The following HNRNPU variants were observed in gnomAD, a reference collection of about 807,000 sequenced individuals.
HNRNPU encodes the protein HNRNPU antisense RNA 1.
In HNRNPU, 5 loss-of-function variants were observed where a neutral mutation model predicts 94.7. The ratio of observed to expected loss-of-function variants is 0.05; its 90% CI spans 0.03 to 0.11. HNRNPU has a LOEUF of 0.11. HNRNPU is among the 10% of genes least tolerant of loss of function. The pLI, the probability that HNRNPU is intolerant of heterozygous loss-of-function variation, is 1.00. For missense variants in HNRNPU, 710 were observed against 1,049.2 expected (o/e 0.68, Z 4.47); for synonymous variants, 434 against 381.6 (o/e 1.14, Z -1.60).
At chr1:244,859,037 T>C (rs1680755106) in intron 5 of HNRNPU, 196 bp from the exon 6 acceptor site, 1 of 580,130 alleles carries the variant, frequency 1.7e-6, no homozygotes, top group Non-Finnish European at 3.0e-6. Context: ...ACCAAATTAG[T>C]TGACGATTTG....
chr1:244,858,794 A>G lies in HNRNPU; in HGVS notation c.1165T>C (p.Cys389Arg), dbSNP rs756818672. 1.3e-6 allele frequency: 2 copies of G among 1,591,430 alleles called. No individual in the cohort carries two copies. Among genetic ancestry groups the G allele is most frequent in the Non-Finnish European group, 8.6e-7 (1 of 1,160,048 alleles). ...YGYSLKGIKTCNCETEDYGEK... is the reference protein window; with the variant it reads ...YGYSLKGIKTRNCETEDYGEK... ...CCATAATCTTCAGTCTCACAGTTGCATGTTTTTATTCCTTTTAGAGAATAC... is the reference window on the plus strand; with the variant it reads ...CCATAATCTTCAGTCTCACAGTTGCGTGTTTTTATTCCTTTTAGAGAATAC... Residue 389 changes from cysteine to arginine, a missense_variant, in exon 6 of 14, where the codon TGC (cysteine) becomes CGC (arginine). Physicochemically the swap from Cys to Arg is radical, Grantham distance 180. Around this residue, in one of 8 missense-constraint regions of HNRNPU, gnomAD observed 150 missense variants for 187.9 expected, o/e 0.80. Transcript: ENST00000640218.
Position 244,864,068 on chromosome 1 carries a change from G to A in HNRNPU, c.240C>T (p.Ala80=), listed in dbSNP as rs1374405303. The change falls in exon 1 of 14, where the codon GCC becomes GCT. Residue 80 remains alanine (A), a synonymous_variant. Coordinates refer to ENST00000640218, the MANE Select transcript of HNRNPU (RefSeq NM_031844.3). ...SGAGLEQEAA[A]GGDEEEEEEE... is the part of the protein sequence containing the mutation. ...CTTCCTCCTCCTCTTCATCGCCGCC[G>A]GCCGCGGCCTCCTGCTCGAGGCCTG... 6 of 1,602,620 alleles carry A rather than the reference G, an allele frequency of 3.7e-6. No individual in the cohort carries two copies. The highest frequency in any genetic ancestry group is 2.2e-5 in the South Asian group (2 of 89,964).
In HNRNPU at chr1:244,862,719, T is replaced by C; in HGVS notation, c.703A>G (p.Thr235Ala). ...PGAPAAGDGK[T>A]EQKGGDKKRG... ...TTTTTATCTCCGCCTTTCTGTTCTG[T>C]TTTGCCGTCCCCTAAAACACACACG... Residue 235 changes from threonine (T) to alanine (A), a missense_variant, in exon 2 of 14, where the codon ACA (threonine) becomes GCA (alanine). Around this residue, in one of 8 missense-constraint regions of HNRNPU, gnomAD observed 292 missense variants for 293.4 expected, o/e 1.00. Coordinates refer to ENST00000640218, the MANE Select transcript of HNRNPU (RefSeq NM_031844.3). 6.2e-7 allele frequency: 1 copy of C among 1,613,944 alleles called. No homozygotes were observed. The highest frequency in any genetic ancestry group is 8.5e-7 in the Non-Finnish European group (1 of 1,179,814).
In HNRNPU at chr1:244,853,566, AACT is replaced by A. The variant is rs969666901; in HGVS notation, c.*881_*883del. On this transcript the variant is annotated 3_prime_UTR_variant, in exon 14 of 14. Coordinates refer to ENST00000640218, the MANE Select transcript of HNRNPU (RefSeq NM_031844.3). ...ATTAGCTTACAAAGATGGTGGAGTT[AACT>A]ACTACAAGCACACTAGTTATACAGT... 5.9e-5 allele frequency: 9 copies of A among 152,538 alleles called. No individual in the cohort carries two copies. Among genetic ancestry groups the A allele is most frequent in the African/African-American group, 2.2e-4 (9 of 41,398 alleles). The allele number at this position is 152,538 out of a possible 1,614,324, so 9.4% of individuals were successfully genotyped here. A position where few individuals can be genotyped will look rare whatever the true frequency, so the allele number is the denominator to read the frequency against.
chr1:244,863,776 C>G lies in HNRNPU; in HGVS notation c.532G>C (p.Gly178Arg), dbSNP rs1436340983. The change falls in exon 1 of 14, where the codon GGG (glycine) becomes CGG (arginine). Residue 178 changes from glycine to arginine, a missense_variant. By Grantham distance (125) the Gly-to-Arg change is moderately radical. This residue lies in a region of HNRNPU where 292 missense variants were observed against 293.4 expected (regional missense o/e 1.00). Coordinates refer to ENST00000640218, the MANE Select transcript of HNRNPU (RefSeq NM_031844.3). ...TTCCCCGCGGCCTCCTTGGCGGCCC[C>G]GCGCTGCTGTTGGGGCTGTTGCTGC... The part of the protein sequence containing the change: ...TQQQQPQQQR[G>R]AAKEAAGKSS... 1.3e-6 allele frequency: 2 copies of G among 1,599,538 alleles called. No individual in the cohort carries two copies. The highest frequency in any genetic ancestry group is 1.7e-6 in the Non-Finnish European group (2 of 1,175,012).
rs748524869 is a variant in HNRNPU at position 244,856,438 on chromosome 1, CAG to C, written c.1912+17_1912+18del. On this transcript the variant is annotated intron_variant, in intron 10 of 13. Coordinates refer to ENST00000640218, the MANE Select transcript of HNRNPU (RefSeq NM_031844.3). ...TTAAAAAGAAGATTTCACACAGTAA[CAG>C]AATTAAAATTCCATGCCTTTCATTT... 4 of 1,597,946 alleles carry C rather than the reference CAG, an allele frequency of 2.5e-6. No individual in the cohort carries two copies. Among genetic ancestry groups the C allele is most frequent in the South Asian group, 1.1e-5 (1 of 88,064 alleles).
At chr1:244,856,982 A>G (rs1680698288) in intron 8 of HNRNPU, 126 bp from the exon 9 acceptor site, 2 of 781,374 alleles carry the variant, frequency 2.6e-6, no homozygotes, top group Admixed American at 2.8e-5. Context: ...ACCTTTGTCC[A>G]TTATTGCTAC....
chr1:244,860,247 G>A (rs570102165), intron 4 of HNRNPU, 88 bp downstream of exon 4: 1 of 1,166,338 alleles, frequency 8.6e-7, no homozygotes, highest in African/African-American at 1.5e-5. Context: ...GTTGCAGTGA[G>A]CCTAGGTCGC....
In HNRNPU at chr1:244,858,245, C is replaced by A. The variant is rs201637304; in HGVS notation, c.1260G>T (p.Ser420=). 6.8e-6 allele frequency: 11 copies of A among 1,613,998 alleles called. No homozygotes were observed. In the Admixed American group the frequency reaches 1.0e-4, roughly 15 times the overall value. Residue 420 remains serine, a synonymous_variant, in exon 7 of 14, where the codon TCG becomes TCT. Transcript: ENST00000640218. The part of the protein sequence containing the change: ...ANFESDEVEL[S]YAKNGQDLGV... ...CAAGATCTTGTCCATTCTTAGCATA[C>A]GAGAGTTCTACTTCATCACTTTCAA...
In HNRNPU at chr1:244,863,848, C is replaced by A; in HGVS notation, c.460G>T (p.Asp154Tyr). The part of the protein sequence containing the change: ...ELGDEEEGAG[D>Y]ENGHGEQQPQ... Reference sequence around the variant, plus strand: ...TGCTGCTCCCCGTGCCCGTTCTCGTCGCCCGCGCCTTCCTCTTCGTCCCCG... The same window carrying A: ...TGCTGCTCCCCGTGCCCGTTCTCGTAGCCCGCGCCTTCCTCTTCGTCCCCG... The change falls in exon 1 of 14, where the codon GAC becomes TAC. Residue 154 changes from aspartate to tyrosine, a missense_variant. Transcript: ENST00000640218. 1 of 1,613,202 alleles carries A rather than the reference C, an allele frequency of 6.2e-7. No homozygotes were observed. Among genetic ancestry groups the A allele is most frequent in the Non-Finnish European group, 8.5e-7 (1 of 1,179,828 alleles).
At chr1:244,855,739 A>G (rs1250490852) in intron 11 of HNRNPU, 131 bp from the exon 12 acceptor site, 1 of 1,269,314 alleles carries the variant, frequency 7.9e-7, no homozygotes, top group Non-Finnish European at 1.1e-6. Context: ...GTTTAATTCT[A>G]ACCATTAACA....
chr1:244,863,805 G>C lies in HNRNPU; in HGVS notation c.503C>G (p.Thr168Arg). 12 of 1,607,022 alleles carry C rather than the reference G, an allele frequency of 7.5e-6. No homozygotes were observed. Among genetic ancestry groups the C allele is most frequent in the South Asian group, 2.2e-5 (2 of 90,550 alleles). Residue 168 changes from threonine (T) to arginine (R), a missense_variant, in exon 1 of 14, where the codon ACG (threonine) becomes AGG (arginine). This residue lies in a region of HNRNPU where 292 missense variants were observed against 293.4 expected (regional missense o/e 1.00). Coordinates refer to ENST00000640218, the MANE Select transcript of HNRNPU (RefSeq NM_031844.3). ...CTGCTGTTGGGGCTGTTGCTGCTGC[G>C]TCGCCGGCGGTTGAGGCTGCTGCTC... ...HGEQQPQPPA[T>R]QQQQPQQQRG...
intron 4 of HNRNPU, 188 bp downstream of exon 4, chr1:244,860,147 A>C: frequency 2.1e-6 from 1 of 486,178 alleles, no homozygotes; most frequent in East Asian, 3.4e-5. Flanking sequence ...TAAAAATACA[A>C]AAATTAGCCA....
At chr1:244,863,105 CCCCCG>C (rs546237787) in intron 1 of HNRNPU, 3,003 of 192,760 alleles carry the variant, frequency 0.016, 57 homozygotes, top group Non-Finnish European at 0.02. Context: ...GATCTTCCGC[CCCCCG>C]CCCCGCCCCG....
Position 244,852,950 on chromosome 1 carries a change from T to C in HNRNPU, c.*1500A>G, listed in dbSNP as rs1307447293. On this transcript the variant is annotated 3_prime_UTR_variant, in exon 14 of 14. Transcript: ENST00000640218. The stretch of plus-strand genomic sequence containing the variant: ...ACCCAATATAATTACAATTAGGGGA[T>C]CTAATGTTATTACATAGCTACAGTC... 1 of 152,616 alleles carries C rather than the reference T, an allele frequency of 6.6e-6. No individual in the cohort carries two copies. The highest frequency in any genetic ancestry group is 1.5e-5 in the Non-Finnish European group (1 of 68,010). The allele number at this position is 152,616 out of a possible 1,614,324, so 9.5% of individuals were successfully genotyped here. A position where few individuals can be genotyped will look rare whatever the true frequency, so the allele number is the denominator to read the frequency against.
chr1:244,857,622 T>C lies in HNRNPU; in HGVS notation c.1590A>G (p.Thr530=), dbSNP rs1466576939. 10 of 1,613,628 alleles carry C rather than the reference T, an allele frequency of 6.2e-6. No individual in the cohort carries two copies. Among genetic ancestry groups the C allele is most frequent in the East Asian group, 2.2e-5 (1 of 44,900 alleles). Residue 530 remains threonine (T), a synonymous_variant, in exon 8 of 14, where the codon ACA becomes ACG. Coordinates refer to ENST00000640218, the MANE Select transcript of HNRNPU (RefSeq NM_031844.3). ...CCATCATCTTATCCATAATAGTATTTGTGCCAAGAATGTTATATTTCCCTG... is the reference window on the plus strand; with the variant it reads ...CCATCATCTTATCCATAATAGTATTCGTGCCAAGAATGTTATATTTCCCTG... ...ENPGKYNILG[T]NTIMDKMMVA...
intron 13 of HNRNPU, 142 bp from the exon 14 acceptor site, chr1:244,854,645 A>C: frequency 1.6e-6 from 1 of 642,072 alleles, no homozygotes; most frequent in Non-Finnish European, 2.8e-6. Flanking sequence ...CTACCAAACC[A>C]GATTTAGTTT....
Position 244,856,107 on chromosome 1 carries a change from A to G in HNRNPU, c.1964T>C (p.Val655Ala). Residue 655 changes from valine (V) to alanine (A), a missense_variant, in exon 11 of 14, where the codon GTT becomes GCT. By Grantham distance (64) the Val-to-Ala change is moderately conservative (BLOSUM62 0). Around this residue, in one of 8 missense-constraint regions of HNRNPU, gnomAD observed 152 missense variants for 238.9 expected, o/e 0.64. Transcript: ENST00000640218. ...VAECFDEITY[V>A]ELQKEEAQKL... is the part of the protein sequence containing the mutation. The stretch of plus-strand genomic sequence containing the variant: ...TTGGGCTTCTTCCTTCTGAAGTTCA[A>G]CATAGGTTATTTCATCAAAGCACTC... 6.2e-7 allele frequency: 1 copy of G among 1,613,784 alleles called. No individual in the cohort carries two copies. The highest frequency in any genetic ancestry group is 8.5e-7 in the Non-Finnish European group (1 of 1,179,854).
At position 244,862,349 on chromosome 1, in the gene HNRNPU, T is replaced by TA. The variant is rs370122241; in HGVS notation, c.877+111dup. On this transcript the variant is annotated intron_variant, in intron 3 of 13. Coordinates refer to ENST00000640218, the MANE Select transcript of HNRNPU (RefSeq NM_031844.3). ...ATGTAAACCATTATCTTCCTGCTTTTAAAAAAACTAACCCAAGTTTTGCTG... is the reference window on the plus strand; with the variant it reads ...ATGTAAACCATTATCTTCCTGCTTTTAAAAAAAACTAACCCAAGTTTTGCTG... 7.7e-4 allele frequency: 539 copies of TA among 697,658 alleles called. 2 individuals carry two copies. The African/African-American group carries it at 9.6e-3, about 12-fold the overall frequency. The allele number at this position is 697,658 out of a possible 1,614,324, so 43.2% of individuals were successfully genotyped here.
Sources: gnomAD v4.1 joint callset for allele counts on GRCh38, gnomAD v4.1.1 for gene constraint, gnomAD v4.1.1 regional missense constraint, MANE v1.5 for transcripts, NCBI Gene and HGNC (gene_info 2026-07-23, HGNC 2026-07-21) for gene names.